The following DGKA variants were observed in gnomAD, a reference collection of about 807,000 sequenced individuals.
DGKA encodes 80 kDa diacylglycerol kinase.
In DGKA, 35 loss-of-function variants were observed where a neutral mutation model predicts 105.0. The observed-to-expected ratio is 0.33, with a 90% CI of 0.25 to 0.44. DGKA has a LOEUF of 0.44. Among genes scored for constraint, DGKA ranks in the 20% least tolerant of loss-of-function variants. The pLI, the probability that DGKA is intolerant of heterozygous loss-of-function variation, is 1.00. For synonymous variants in DGKA, 296 were observed against 332.0 expected (o/e 0.89, Z 1.18); for missense variants, 665 against 915.0 (o/e 0.73, Z 3.53).
In DGKA at chr12:55,953,792, C is replaced by A; in HGVS notation, c.*24C>A. 6.2e-7 allele frequency: 1 copy of A among 1,609,518 alleles called. No homozygotes were observed. Among genetic ancestry groups the A allele is most frequent in the African/African-American group, 1.3e-5 (1 of 74,950 alleles). On this transcript the variant is annotated 3_prime_UTR_variant, in exon 24 of 24. Coordinates refer to ENST00000331886, the MANE Select transcript of DGKA (RefSeq NM_001345.5). Reference sequence around the variant, plus strand: ...AAGGGGGACACCCTTGGCCTCCAAGCCAGCCTTGAACCCACCTCCCTGTCC... The same window carrying A: ...AAGGGGGACACCCTTGGCCTCCAAGACAGCCTTGAACCCACCTCCCTGTCC...
chr12:55,936,195 G>A lies in DGKA; in HGVS notation c.-81-228G>A, dbSNP rs563590991. The A allele has an allele frequency of 1.1e-4, 58 of 548,548 alleles. No individual in the cohort carries two copies. The South Asian group carries it at 1.8e-3, about 17-fold the overall frequency. The allele number at this position is 548,548 out of a possible 1,614,324, so 34.0% of individuals were successfully genotyped here. A position where few individuals can be genotyped will look rare whatever the true frequency, so the allele number is the denominator to read the frequency against. On this transcript the variant is annotated intron_variant, in intron 1 of 23. Transcript: ENST00000331886. ...GGAGAGGGAGAAGGATCCAGAAATG[G>A]AGAGACAGAGATGAGTCAGAGAAAC...
chr12:55,936,131 G>A, intron 1 of DGKA: 1 of 708,768 alleles, frequency 1.4e-6, no homozygotes, highest in Non-Finnish European at 1.8e-6. Context: ...GGTGCGGGTG[G>A]GAAGGTGAGG....
chr12:55,936,012 G>A, intron 1 of DGKA: 1 of 990,704 alleles, frequency 1.0e-6, no homozygotes, highest in Non-Finnish European at 1.2e-6. Context: ...ACCCGAGATG[G>A]GAGAGAGCTC....
Position 55,936,598 on chromosome 12 carries a change from G to A in DGKA, c.64+31G>A, listed in dbSNP as rs200916180. Reference sequence around the variant, plus strand: ...TCTTCCTGTCAGGCCTTCAGTTCTGGAGACCCTGCCCCAGAGAATCCCTCC... The same window carrying A: ...TCTTCCTGTCAGGCCTTCAGTTCTGAAGACCCTGCCCCAGAGAATCCCTCC... On this transcript the variant is annotated intron_variant, in intron 2 of 23. Transcript: ENST00000331886. The A allele has an allele frequency of 2.9e-4, 470 of 1,614,012 alleles. 4 individuals are homozygous for A. In the African/African-American group the frequency reaches 5.8e-3, roughly 20 times the overall value.
chr12:55,927,636 C>A (rs1417492022), upstream of DGKA: 21 of 1,492,346 alleles, frequency 1.4e-5, no homozygotes, highest in South Asian at 2.4e-4. Context: ...AGGTCGAATT[C>A]GTGTGCCGAT....
upstream of DGKA, among the ~76,000 whole-genome samples, chr12:55,928,915 GGA>G: frequency 6.6e-6 from 1 of 152,060 alleles, no homozygotes; most frequent in Middle Eastern, 3.4e-3. Flanking sequence ...CAGCACTTTG[GGA>G]GGCCCAGGTG....
chr12:55,953,085 T>C lies in DGKA; in HGVS notation c.1988T>C (p.Ile663Thr), dbSNP rs764197306. ...RLEVVGLEGAIEMGQIYTKLK... is the reference protein window; with the variant it reads ...RLEVVGLEGATEMGQIYTKLK... ...GAAGTGGTTGGGCTGGAGGGTGCAA[T>C]TGAGATGGGCCAAATCTATACCAAG... is the stretch of plus-strand genomic sequence containing the variant. Residue 663 changes from isoleucine to threonine, a missense_variant, in exon 22 of 24, where the codon ATT (isoleucine) becomes ACT (threonine). By Grantham distance (89) the Ile-to-Thr change is moderately conservative. Coordinates refer to ENST00000331886, the MANE Select transcript of DGKA (RefSeq NM_001345.5). The C allele has an allele frequency of 4.3e-6, 7 of 1,613,950 alleles. No individual in the cohort carries two copies. The highest frequency in any genetic ancestry group is 1.7e-5 in the Admixed American group (1 of 59,984).
At chr12:55,936,944 C>T (rs1884871551) in intron 2 of DGKA, 73 bp from the exon 3 acceptor site, 5 of 1,321,112 alleles carry the variant, frequency 3.8e-6, no homozygotes, top group African/African-American at 1.5e-5. Context: ...AATCTTTTTT[C>T]CTGCTGGATT....
Position 55,951,631 on chromosome 12 carries a change from G to A in DGKA, c.1435G>A (p.Gly479Arg). 1.2e-6 allele frequency: 2 copies of A among 1,613,960 alleles called. No homozygotes were observed. Among genetic ancestry groups the A allele is most frequent in the Non-Finnish European group, 1.7e-6 (2 of 1,179,954 alleles). ...GTCTTCTCCACTCCTAGGTTATGAA[G>A]GACAGAATCTGGCAAAGATCCTCAA... is the stretch of plus-strand genomic sequence containing the variant. ...RCLRWGGGYE[G>R]QNLAKILKDL... Residue 479 changes from glycine to arginine, a missense_variant, in exon 18 of 24, where the codon GGA (glycine) becomes AGA (arginine). Gly to Arg is a moderately radical substitution (Grantham distance 125). Coordinates refer to ENST00000331886, the MANE Select transcript of DGKA (RefSeq NM_001345.5).
intron 16 of DGKA, 35 bp downstream of exon 16, chr12:55,942,118 G>A (rs762058238): frequency 1.9e-6 from 3 of 1,613,812 alleles, no homozygotes; most frequent in South Asian, 2.2e-5. Context: ...AAGGTATTGG[G>A]GTCGTAGTCT....
In DGKA at chr12:55,940,437, A is replaced by C; in HGVS notation, c.918+4A>C. ...TTGTGTATGGTGCCACCTAGAGGTC[A>C]GTTTGGGAGCCATCCCTTCTGGGTG... On this transcript the variant is annotated splice_donor_region_variant and intron_variant, in intron 11 of 23. Transcript: ENST00000331886. This position sits in a 1 kb window ranked among gnomAD's most constrained non-coding sequence, Gnocchi z 4.3. The C allele has an allele frequency of 6.2e-7, 1 of 1,614,028 alleles. No individual in the cohort carries two copies. Among genetic ancestry groups the C allele is most frequent in the South Asian group, 1.1e-5 (1 of 91,082 alleles).
In DGKA at chr12:55,953,909, C is replaced by A; in HGVS notation, c.*141C>A. 1.4e-6 allele frequency: 1 copy of A among 725,994 alleles called. No homozygotes were observed. The allele number at this position is 725,994 out of a possible 1,614,324, so 45.0% of individuals were successfully genotyped here. A position where few individuals can be genotyped will look rare whatever the true frequency, so the allele number is the denominator to read the frequency against. ...CTTCACCCTCACAGTATTTATTATC[C>A]TGCACCACCTCACTGTTCCCCATGC... is the stretch of plus-strand genomic sequence containing the variant. On this transcript the variant is annotated 3_prime_UTR_variant, in exon 24 of 24. Transcript: ENST00000331886.
chr12:55,946,068 G>A (rs1180368025), intron 17 of DGKA, among the ~76,000 whole-genome samples: 1 of 151,948 alleles, frequency 6.6e-6, no homozygotes, highest in Non-Finnish European at 1.5e-5. Context: ...GATTACAGGC[G>A]TGAGCTACCA....
At chr12:55,947,534 T>G (rs1485018816) in intron 17 of DGKA, among the ~76,000 whole-genome samples, 1 of 152,234 alleles carries the variant, frequency 6.6e-6, no homozygotes, top group African/African-American at 2.4e-5. Context: ...TCATATTGAT[T>G]ATCATTATAT....
Position 55,943,278 on chromosome 12 carries a change from CT to C in DGKA, c.1426+1027del, listed in dbSNP as rs111820808. ...CTAGTCACTTATTCACTTTCCCTTT[CT>C]TTTTTTTTTTTCTTGAGATGGAATC... On this transcript the variant is annotated intron_variant, in intron 17 of 23. Transcript: ENST00000331886. The C allele has an allele frequency of 1.2e-3, 168 of 145,536 alleles. 5 individuals are homozygous for C. Among genetic ancestry groups the C allele is most frequent in the Admixed American group, 7.5e-3 (109 of 14,572 alleles). The allele number at this position is 145,536 out of a possible 1,614,324, so 9.0% of individuals were successfully genotyped here.
chr12:55,938,270 T>C, intron 5 of DGKA: 1 of 667,636 alleles, frequency 1.5e-6, no homozygotes, highest in Admixed American at 2.9e-5. Context: ...TGCATTCCCA[T>C]GTAGGCGGCC....
intron 17 of DGKA, among the ~76,000 whole-genome samples, chr12:55,947,422 G>A (rs1489460909): frequency 2.6e-5 from 4 of 152,208 alleles, no homozygotes; most frequent in African/African-American, 7.2e-5. Context: ...TACAGTTTTG[G>A]GGGCTGTTCC....
chr12:55,950,298 TTTA>T (rs1470142962), intron 17 of DGKA, among the ~76,000 whole-genome samples: 2 of 148,646 alleles, frequency 1.3e-5, no homozygotes, highest in East Asian at 4.0e-4. Flanking sequence ...TTTATTTTAT[TTTA>T]TTTTATTTTA....
intron 7 of DGKA, 33 bp from the exon 8 acceptor site, chr12:55,939,152 TC>T: frequency 6.2e-7 from 1 of 1,611,006 alleles, no homozygotes; most frequent in Non-Finnish European, 8.5e-7. Context: ...GAAGACCCAC[TC>T]ATACTGAAAG....
Sources: gnomAD v4.1 joint callset for allele counts (sites outside exome capture counted in the v4.1 genomes callset) on GRCh38, gnomAD v4.1.1 for gene constraint, Gnocchi (gnomAD v3.1) non-coding constraint, MANE v1.5 for transcripts, NCBI Gene and HGNC (gene_info 2026-07-23, HGNC 2026-07-21) for gene names.